Variants in MPDZ observed in about 807,000 individuals in gnomAD.
MPDZ encodes multiple PDZ domain protein.
MPDZ carries 234 observed loss-of-function variants against 239.1 expected under a neutral mutation model. The observed-to-expected ratio is 0.98, with a 90% confidence interval of 0.88 to 1.09. The LOEUF (loss-of-function observed/expected upper bound fraction) is 1.09. Ranked by LOEUF, MPDZ falls within the 50% of genes least tolerant of loss-of-function variation. The pLI is 0.00. For missense variants in MPDZ, 3,175 were observed against 2,510.0 expected, an observed-to-expected ratio of 1.26 and a Z score of -5.66; for synonymous variants, 1,048 against 881.3, an observed-to-expected ratio of 1.19 and a Z score of -3.35.
intron 12 of MPDZ, among the ~76,000 whole-genome samples, chr9:13,199,385 G>A (rs922325921): frequency 6.6e-6 from 1 of 151,832 alleles, no homozygotes; most frequent in Non-Finnish European, 1.5e-5. Context: ...TCATGTATCA[G>A]TTCTAACCAT....
intron 19 of MPDZ, 50 bp from the exon 20 acceptor site, chr9:13,176,467 T>C: frequency 7.1e-7 from 1 of 1,403,334 alleles, no homozygotes; most frequent in African/African-American, 1.4e-5. Context: ...GTGACCAGAA[T>C]TACATCAATA....
chr9:13,115,142 C>T (rs1023064629), intron 40 of MPDZ, 106 bp downstream of exon 40: 35 of 887,902 alleles, frequency 3.9e-5, no homozygotes, highest in Middle Eastern at 2.3e-4. Flanking sequence ...CACTATCCCA[C>T]GCTGCCAGGG....
At chr9:13,140,382 T>TTA (rs1256354544) in intron 27 of MPDZ, among the ~76,000 whole-genome samples, 20 of 144,100 alleles carry the variant, frequency 1.4e-4, no homozygotes, top group African/African-American at 5.2e-4. Context: ...GTTAAATATT[T>TTA]TATATATATA....
intron 1 of MPDZ, among the ~76,000 whole-genome samples, chr9:13,251,128 CA>C (rs150252589): frequency 0.013 from 490 of 36,444 alleles, no homozygotes; most frequent in African/African-American, 0.045. Flanking sequence ...GACTCCATCT[CA>C]AAAAAAAAAA....
At position 13,192,256 on chromosome 9, in the gene MPDZ, C is replaced by A. The variant is rs1245723084; in HGVS notation, c.1843G>T (p.Val615Leu). ...ITLLGENHQD[V>L]VNILKELPIE... Reference sequence around the variant, plus strand: ...GGCAGTTCTTTTAAGATATTCACCACATCTTGGTGATTTTCCCCAAGTAAA... The same window carrying A: ...GGCAGTTCTTTTAAGATATTCACCAAATCTTGGTGATTTTCCCCAAGTAAA... Residue 615 changes from valine to leucine, a missense_variant, in exon 15 of 47, where the codon GTG (valine) becomes TTG (leucine). Physicochemically the swap from Val to Leu is conservative, Grantham distance 32. Transcript: ENST00000319217. 6.2e-7 allele frequency: 1 copy of A among 1,603,908 alleles called. No individual in the cohort carries two copies. The highest frequency in any genetic ancestry group is 1.3e-5 in the African/African-American group (1 of 74,794).
At chr9:13,168,179 T>C (rs1951317003) in intron 22 of MPDZ, among the ~76,000 whole-genome samples, 187 bp downstream of exon 22, 1 of 152,098 alleles carries the variant, frequency 6.6e-6, no homozygotes, top group Non-Finnish European at 1.5e-5. Context: ...TTAATACTGA[T>C]ATAGTCTCAA....
intron 18 of MPDZ, among the ~76,000 whole-genome samples, chr9:13,185,039 T>C (rs1404620249): frequency 1.3e-5 from 2 of 151,988 alleles, no homozygotes; most frequent in Non-Finnish European, 2.9e-5. Flanking sequence ...TATATAGTAT[T>C]TGTATCCTGT....
At chr9:13,143,753 T>A (rs1331668) in intron 26 of MPDZ, among the ~76,000 whole-genome samples, 189 bp from the exon 27 acceptor site, 1 of 152,022 alleles carries the variant, frequency 6.6e-6, no homozygotes, top group South Asian at 2.1e-4. Flanking sequence ...CCTGAATCTA[T>A]ACCTGAGTCT....
At chr9:13,170,161 TTTTC>T (rs1951604366) in intron 21 of MPDZ, among the ~76,000 whole-genome samples, 1 of 152,162 alleles carries the variant, frequency 6.6e-6, no homozygotes, top group African/African-American at 2.4e-5. Context: ...TTATAAAAAC[TTTTC>T]TTTGACAGAT....
intron 19 of MPDZ, among the ~76,000 whole-genome samples, chr9:13,177,322 G>C (rs1296226049): frequency 6.6e-6 from 1 of 152,082 alleles, no homozygotes; most frequent in Admixed American, 6.6e-5. Flanking sequence ...CATATACTGT[G>C]TATGCATATA....
At chr9:13,256,620 C>T (rs138540425) in intron 1 of MPDZ, among the ~76,000 whole-genome samples, 13 of 152,228 alleles carry the variant, frequency 8.5e-5, no homozygotes, top group Admixed American at 3.3e-4. Flanking sequence ...GCGAACGGCC[C>T]GTTGATGGAG....
intron 1 of MPDZ, among the ~76,000 whole-genome samples, chr9:13,264,672 AAG>A (rs79459240): frequency 6.6e-6 from 1 of 151,894 alleles, no homozygotes; most frequent in African/African-American, 2.4e-5. Context: ...AAAAAAAAAA[AAG>A]AGTCCAAAAT....
In MPDZ at chr9:13,183,442, A is replaced by C. The variant is rs1230466147; in HGVS notation, c.2625T>G (p.Ser875=). 1 of 1,609,156 alleles carries C rather than the reference A, an allele frequency of 6.2e-7. No individual in the cohort carries two copies. Among genetic ancestry groups the C allele is most frequent in the African/African-American group, 1.3e-5 (1 of 74,642 alleles). ...SSCGDGLNYG[S]SLPSSPPKDV... is the part of the protein sequence containing the mutation. Reference sequence around the variant, plus strand: ...CCTTAGGAGGAGATGATGGAAGGGAAGAACCATAGTTCAGGCCATCACCAC... The same window carrying C: ...CCTTAGGAGGAGATGATGGAAGGGACGAACCATAGTTCAGGCCATCACCAC... The change falls in exon 19 of 47, where the codon TCT becomes TCG. Residue 875 remains serine, a synonymous_variant. Coordinates refer to ENST00000319217, the MANE Select transcript of MPDZ (RefSeq NM_001378778.1).
intron 1 of MPDZ, among the ~76,000 whole-genome samples, chr9:13,262,278 C>G (rs1228618886): frequency 1.3e-5 from 2 of 151,280 alleles, no homozygotes; most frequent in Admixed American, 6.6e-5. Context: ...CCCTGGGCAA[C>G]ATAACAAAAA....
chr9:13,142,656 T>C (rs1292974184), intron 27 of MPDZ, among the ~76,000 whole-genome samples: 15 of 152,090 alleles, frequency 9.9e-5, no homozygotes, highest in Admixed American at 8.5e-4. Flanking sequence ...GCAAAAGGGT[T>C]AGTTGGGGAA....
intron 1 of MPDZ, among the ~76,000 whole-genome samples, chr9:13,267,621 G>T (rs1304456214): frequency 6.6e-6 from 1 of 152,136 alleles, no homozygotes; most frequent in Non-Finnish European, 1.5e-5. Flanking sequence ...CTTATTCAAA[G>T]TAATGACACT....
intron 17 of MPDZ, among the ~76,000 whole-genome samples, chr9:13,186,907 G>A (rs966279293): frequency 6.6e-6 from 1 of 151,976 alleles, no homozygotes; most frequent in Non-Finnish European, 1.5e-5. Context: ...TGAACTCTAC[G>A]GGAATTCAAT....
At position 13,211,967 on chromosome 9, in the gene MPDZ, A is replaced by T. The variant is rs551418149; in HGVS notation, c.1290+4807T>A. Among the ~76,000 whole-genome samples, 7 of 152,214 alleles carry T rather than the reference A, an allele frequency of 4.6e-5. No homozygotes were observed. In the South Asian group the frequency reaches 1.4e-3, roughly 32 times the overall value. On this transcript the variant is annotated intron_variant, in intron 10 of 46. Transcript: ENST00000319217. Reference sequence around the variant, plus strand: ...TTAATGTAAAATAAATGAACATGTTATTTACTCTCACAGTAATAAAGGAAA... The same window carrying T: ...TTAATGTAAAATAAATGAACATGTTTTTTACTCTCACAGTAATAAAGGAAA...
Position 13,140,099 on chromosome 9 carries a change from C to A in MPDZ, c.3891G>T (p.Val1297=). The stretch of plus-strand genomic sequence containing the variant: ...CAAAGGCTGAAGGAGGGGGTGGGGG[C>A]ACACTGCACAATGGAGCCTTCTCTG... ...SEPEKAPLCS[V]PPPPPSAFAE... The change falls in exon 28 of 47, where the codon GTG becomes GTT. Residue 1297 remains valine, a synonymous_variant. Coordinates refer to ENST00000319217, the MANE Select transcript of MPDZ (RefSeq NM_001378778.1). 6.2e-7 allele frequency: 1 copy of A among 1,613,438 alleles called. No homozygotes were observed. Among genetic ancestry groups the A allele is most frequent in the Non-Finnish European group, 8.5e-7 (1 of 1,179,756 alleles).
Sources: gnomAD v4.1 joint callset for allele counts (sites outside exome capture counted in the v4.1 genomes callset) on GRCh38, gnomAD v4.1.1 for gene constraint, MANE v1.5 for transcripts, NCBI Gene and HGNC (gene_info 2026-07-23, HGNC 2026-07-21) for gene names.